Variants in VPS54 observed in about 807,000 individuals in gnomAD.
VPS54 encodes vacuolar protein sorting-associated protein 54.
A neutral mutation model predicts 121.5 loss-of-function variants in VPS54; 45 were observed. The ratio of observed to expected loss-of-function variants is 0.37; its 90% confidence interval spans 0.29 to 0.47. The LOEUF is 0.47. Ranked by LOEUF, VPS54 falls within the 20% of genes least tolerant of loss-of-function variation. The pLI is 0.99. For synonymous variants in VPS54, 371 were observed against 385.8 expected, an observed-to-expected ratio of 0.96 and a Z score of 0.45; for missense variants, 1,090 against 1,131.4, an observed-to-expected ratio of 0.96 and a Z score of 0.52.
Position 63,965,923 on chromosome 2 carries a change from A to T in VPS54, c.536T>A (p.Phe179Tyr). 1 of 1,612,260 alleles carries T rather than the reference A, an allele frequency of 6.2e-7. No homozygotes were observed. Among genetic ancestry groups the T allele is most frequent in the Non-Finnish European group, 8.5e-7 (1 of 1,179,572 alleles). The change falls in exon 6 of 23, where the codon TTT becomes TAT. Residue 179 changes from phenylalanine to tyrosine, a missense_variant. Around this residue, in one of 2 missense-constraint regions of VPS54, gnomAD observed 801 missense variants for 757.0 expected, o/e 1.06. Coordinates refer to ENST00000272322, the MANE Select transcript of VPS54 (RefSeq NM_016516.3). Reference protein sequence around the residue: ...PDFALDDSLTFNSVLPWSHFN... With the variant: ...PDFALDDSLTYNSVLPWSHFN... ...ATGAGACCATGGTAAAACTGAATTA[A>T]AAGTTAAGGAATCATCCAAGGCAAA...
At chr2:63,977,583 TCTG>T (rs1676601078) in intron 3 of VPS54, among the ~76,000 whole-genome samples, 1 of 152,242 alleles carries the variant, frequency 6.6e-6, no homozygotes, top group Non-Finnish European at 1.5e-5. Context: ...TTTCCATCTC[TCTG>T]CTTACATCTG....
intron 2 of VPS54, among the ~76,000 whole-genome samples, chr2:63,983,435 C>T (rs1199342592): frequency 1.4e-5 from 2 of 146,004 alleles, no homozygotes; most frequent in Non-Finnish European, 3.0e-5. Flanking sequence ...CCACGCCGGG[C>T]CCCAAATGAT....
intron 1 of VPS54, among the ~76,000 whole-genome samples, chr2:63,990,957 A>G (rs1239254665): frequency 1.3e-5 from 2 of 152,196 alleles, no homozygotes; most frequent in Non-Finnish European, 2.9e-5. Flanking sequence ...ACCTTTTGGC[A>G]AAAGCTTTTC....
intron 1 of VPS54, among the ~76,000 whole-genome samples, chr2:63,987,476 T>C (rs1338093954): frequency 2.7e-5 from 2 of 75,006 alleles, no homozygotes; most frequent in African/African-American, 6.4e-5. Context: ...TCCAATTTTC[T>C]TTTTTTTGCA....
At chr2:64,007,147 G>C (rs140775311) in intron 1 of VPS54, among the ~76,000 whole-genome samples, 8 of 152,248 alleles carry the variant, frequency 5.3e-5, no homozygotes, top group African/African-American at 1.9e-4. Flanking sequence ...TTTCAGAAAA[G>C]TCACCAAAGC....
chr2:63,991,393 C>G (rs1032436189), intron 1 of VPS54, among the ~76,000 whole-genome samples: 1 of 152,120 alleles, frequency 6.6e-6, no homozygotes, highest in Non-Finnish European at 1.5e-5. Flanking sequence ...TACCTGATCA[C>G]GAGGTGTTCC....
At chr2:63,965,075 G>A (rs1464936181) in intron 6 of VPS54, among the ~76,000 whole-genome samples, 1 of 152,148 alleles carries the variant, frequency 6.6e-6, no homozygotes, top group Non-Finnish European at 1.5e-5. Context: ...TAGGAATATT[G>A]TATTCTTTAA....
intron 20 of VPS54, among the ~76,000 whole-genome samples, chr2:63,901,175 A>G (rs1477965001): frequency 6.6e-6 from 1 of 152,254 alleles, no homozygotes; most frequent in African/African-American, 2.4e-5. Flanking sequence ...AGAAAGCTGC[A>G]ATAGAACATT....
chr2:63,984,297 ACT>A (rs1676941023), intron 1 of VPS54, among the ~76,000 whole-genome samples: 3 of 152,186 alleles, frequency 2.0e-5, no homozygotes, highest in Non-Finnish European at 4.4e-5. Flanking sequence ...GATTAAAAAC[ACT>A]CTATTCATTC....
chr2:64,012,451 T>C (rs1268891581), intron 1 of VPS54, among the ~76,000 whole-genome samples: 1 of 86,522 alleles, frequency 1.2e-5, no homozygotes, highest in Non-Finnish European at 2.3e-5. Context: ...AAAAAGTAAC[T>C]GTTTAAAAAA....
chr2:63,933,067 G>A (rs928248889), intron 12 of VPS54, among the ~76,000 whole-genome samples: 1 of 152,120 alleles, frequency 6.6e-6, no homozygotes, highest in African/African-American at 2.4e-5. Flanking sequence ...GAGAGGGAGG[G>A]AGGCAGAGTG....
intron 17 of VPS54, 47 bp from the exon 18 acceptor site, chr2:63,913,357 T>A (rs749935020): frequency 1.4e-6 from 2 of 1,425,632 alleles, no homozygotes; most frequent in South Asian, 2.5e-5. Context: ...TAAAAACTGT[T>A]CTTTATATCC....
chr2:63,997,165 G>A (rs936615270), intron 1 of VPS54, among the ~76,000 whole-genome samples: 3 of 152,056 alleles, frequency 2.0e-5, no homozygotes, highest in African/African-American at 7.2e-5. Context: ...CTGCAGTTTC[G>A]TTTTCTGATG....
intron 1 of VPS54, among the ~76,000 whole-genome samples, chr2:63,999,420 T>G (rs904756234): frequency 6.6e-6 from 1 of 152,218 alleles, no homozygotes; most frequent in Non-Finnish European, 1.5e-5. Context: ...GTCATGCCAC[T>G]CTCTTGGCCT....
chr2:63,975,766 C>T (rs577444743), intron 3 of VPS54, among the ~76,000 whole-genome samples: 42 of 152,302 alleles, frequency 2.8e-4, no homozygotes, highest in Non-Finnish European at 1.5e-5. Flanking sequence ...TCTAGTCTCC[C>T]ACACAGCCAG....
intron 1 of VPS54, among the ~76,000 whole-genome samples, chr2:64,006,265 C>T (rs1263450701): frequency 1.3e-5 from 2 of 152,164 alleles, no homozygotes; most frequent in Non-Finnish European, 2.9e-5. Flanking sequence ...TAACACAATA[C>T]CTCAAAAGGT....
At chr2:63,918,214 C>T (rs1673475437) in intron 15 of VPS54, among the ~76,000 whole-genome samples, 1 of 151,974 alleles carries the variant, frequency 6.6e-6, no homozygotes, top group Non-Finnish European at 1.5e-5. Context: ...CTCCTACCAT[C>T]AATATCCTCC....
intron 20 of VPS54, among the ~76,000 whole-genome samples, chr2:63,905,463 C>A (rs1434899111): frequency 6.6e-6 from 1 of 151,278 alleles, no homozygotes; most frequent in African/African-American, 2.4e-5. Context: ...TTCAAAGAAA[C>A]AAACTTCCAA....
At chr2:64,015,941 G>C (rs1278231891) in intron 1 of VPS54, among the ~76,000 whole-genome samples, 1 of 152,126 alleles carries the variant, frequency 6.6e-6, no homozygotes, top group Non-Finnish European at 1.5e-5. Context: ...AGCTCTGCTA[G>C]CAAAATGTCA....
Sources: gnomAD v4.1 joint callset for allele counts (sites outside exome capture counted in the v4.1 genomes callset) on GRCh38, gnomAD v4.1.1 for gene constraint, gnomAD v4.1.1 regional missense constraint, MANE v1.5 for transcripts, NCBI Gene and HGNC (gene_info 2026-07-23, HGNC 2026-07-21) for gene names.